HM13: variants seen among roughly 807,000 people sequenced by gnomAD.
The protein encoded by HM13 is histocompatibility minor 13, also known as signal peptide peptidase.
A neutral mutation model predicts 50.0 loss-of-function variants in HM13; 18 were observed. That is an observed-to-expected ratio of 0.36 (90% CI 0.25 to 0.53). The LOEUF (loss-of-function observed/expected upper bound fraction) is 0.53. Among genes scored for constraint, HM13 ranks in the 20% least tolerant of loss-of-function variants. HM13 has a pLI of 0.90. For missense variants in HM13, 393 were observed against 552.4 expected, an observed-to-expected ratio of 0.71 and a Z score of 2.89; for synonymous variants, 197 against 232.6, an observed-to-expected ratio of 0.85 and a Z score of 1.39.
chr20:31,519,163 A>G (rs1220481571), intron 1 of HM13, among the ~76,000 whole-genome samples: 5 of 152,138 alleles, frequency 3.3e-5, no homozygotes, highest in Admixed American at 6.6e-5. Context: ...GTGCAATGGC[A>G]TAACCTCAGC....
intron 2 of HM13, among the ~76,000 whole-genome samples, chr20:31,529,966 A>G (rs531983206): frequency 6.6e-5 from 10 of 151,998 alleles, no homozygotes; most frequent in Admixed American, 4.6e-4. Flanking sequence ...ACTCTGTCTC[A>G]ATTAAAAAAA....
intron 2 of HM13, among the ~76,000 whole-genome samples, chr20:31,536,637 G>A (rs1020305765): frequency 2.6e-5 from 4 of 152,004 alleles, no homozygotes; most frequent in Admixed American, 6.6e-5. Context: ...CCCTTTTCCC[G>A]CCCAGCCTAC....
chr20:31,527,692 A>G, intron 2 of HM13, 110 bp downstream of exon 2: 1 of 798,888 alleles, frequency 1.3e-6, no homozygotes, highest in Non-Finnish European at 2.0e-6. Context: ...AAAATAAAGA[A>G]GAAAGAAAAA....
intron 9 of HM13, among the ~76,000 whole-genome samples, chr20:31,560,181 G>C (rs771640235): frequency 1.2e-4 from 19 of 152,180 alleles, no homozygotes; most frequent in Non-Finnish European, 8.8e-5. Flanking sequence ...GAGAAGGTGG[G>C]CAACTTAGGT....
chr20:31,546,988 C>T (rs1159803810), intron 4 of HM13, among the ~76,000 whole-genome samples: 1 of 152,126 alleles, frequency 6.6e-6, no homozygotes, highest in Non-Finnish European at 1.5e-5. Context: ...GTCCCAGGCC[C>T]TCTCTATCTC....
At chr20:31,566,917 G>T (rs1414445552) in intron 11 of HM13, among the ~76,000 whole-genome samples, 1 of 152,084 alleles carries the variant, frequency 6.6e-6, no homozygotes, top group Non-Finnish European at 1.5e-5. Flanking sequence ...CAGCACTGCC[G>T]ACCCTGCCTG....
intron 7 of HM13, among the ~76,000 whole-genome samples, chr20:31,553,212 C>G (rs1013628348): frequency 6.7e-5 from 10 of 148,884 alleles, no homozygotes; most frequent in Non-Finnish European, 1.5e-4. Flanking sequence ...AGGAGAATCA[C>G]TTGAACCCGG....
At chr20:31,555,187 A>T (rs561435022) in intron 8 of HM13, among the ~76,000 whole-genome samples, 40 of 152,334 alleles carry the variant, frequency 2.6e-4, no homozygotes, top group African/African-American at 9.6e-4. Context: ...GACCCCTGTC[A>T]CACACACCCA....
chr20:31,540,112 C>T (rs1309306898), intron 3 of HM13: 2 of 152,340 alleles, frequency 1.3e-5, no homozygotes, highest in Non-Finnish European at 2.9e-5. Flanking sequence ...GACTTCACCT[C>T]TGGTCTTCCC....
At chr20:31,546,366 A>G (rs1432519157) in intron 4 of HM13, among the ~76,000 whole-genome samples, 1 of 151,996 alleles carries the variant, frequency 6.6e-6, no homozygotes, top group Non-Finnish European at 1.5e-5. Flanking sequence ...TGCCTAGCAC[A>G]TGCTGCCTTG....
intron 4 of HM13, 48 bp from the exon 5 acceptor site, chr20:31,548,981 G>A: frequency 6.6e-7 from 1 of 1,516,862 alleles, no homozygotes; most frequent in Non-Finnish European, 9.2e-7. Context: ...ACAGGTGGGA[G>A]GGGTAGCCCT....
chr20:31,550,168 G>C, intron 7 of HM13, 47 bp downstream of exon 7: 1 of 1,439,318 alleles, frequency 6.9e-7, no homozygotes, highest in South Asian at 1.1e-5. Flanking sequence ...CACCCCTGCC[G>C]GGCCATGCCC....
chr20:31,523,909 A>G (rs1434036944), intron 1 of HM13, among the ~76,000 whole-genome samples: 2 of 152,178 alleles, frequency 1.3e-5, no homozygotes, highest in Admixed American at 6.5e-5. Flanking sequence ...CAGTGGCTCC[A>G]GAGGGGAGGG....
chr20:31,515,853 C>T (rs563870594), intron 1 of HM13, among the ~76,000 whole-genome samples: 1 of 152,320 alleles, frequency 6.6e-6, no homozygotes, highest in East Asian at 1.9e-4. Flanking sequence ...TGCTCCTCCC[C>T]CACCCAGACC....
At chr20:31,526,340 G>T (rs557221955) in intron 1 of HM13, among the ~76,000 whole-genome samples, 1 of 151,970 alleles carries the variant, frequency 6.6e-6, no homozygotes, top group South Asian at 2.1e-4. Flanking sequence ...TGTATTTTTA[G>T]TAGAGACGGG....
chr20:31,544,926 T>C, intron 3 of HM13, 21 bp from the exon 4 acceptor site: 1 of 1,610,838 alleles, frequency 6.2e-7, no homozygotes, highest in African/African-American at 1.3e-5. Flanking sequence ...GTTTGCCGAC[T>C]TGCTTTGTCT....
At chr20:31,531,845 C>T (rs906510927) in intron 2 of HM13, among the ~76,000 whole-genome samples, 1 of 152,122 alleles carries the variant, frequency 6.6e-6, no homozygotes, top group Non-Finnish European at 1.5e-5. Context: ...CTTATATTCC[C>T]AGCTACTCAG....
At chr20:31,561,809 T>G in intron 10 of HM13, 73 bp downstream of exon 10, 1 of 1,068,106 alleles carries the variant, frequency 9.4e-7, no homozygotes, top group African/African-American at 1.5e-5. Context: ...GATTTATTTG[T>G]AAATGCAAGC....
At chr20:31,538,391 T>C (rs1983243121) in intron 3 of HM13, 130 bp downstream of exon 3, 2 of 1,556,128 alleles carry the variant, frequency 1.3e-6, no homozygotes, top group Non-Finnish European at 1.7e-6. Flanking sequence ...CTCAAGGGAC[T>C]CTTTCCCCTG....
Sources: gnomAD v4.1 joint callset for allele counts (sites outside exome capture counted in the v4.1 genomes callset) on GRCh38, gnomAD v4.1.1 for gene constraint, MANE v1.5 for transcripts, NCBI Gene and HGNC (gene_info 2026-07-23, HGNC 2026-07-21) for gene names.